CDH13: variants seen among roughly 807,000 people sequenced by gnomAD.
CDH13 encodes the protein cadherin 13, also known as cadherin-13.
CDH13 carries 24 observed loss-of-function variants against 63.8 expected under a neutral mutation model. The observed-to-expected ratio is 0.38, with a 90% CI of 0.27 to 0.53. The LOEUF is 0.53. CDH13 is among the 20% of genes least tolerant of loss of function. The probability of loss-of-function intolerance (pLI) is 0.85; values close to 1 mark genes in which losing one functional copy is unlikely to be tolerated. For missense variants in CDH13, 1,049 were observed against 903.1 expected (o/e 1.16, Z -2.07); for synonymous variants, 503 against 355.3 (o/e 1.42, Z -4.67).
intron 2 of CDH13, among the ~76,000 whole-genome samples, chr16:82,985,727 C>A (rs113821075): frequency 2.6e-5 from 4 of 152,228 alleles, no homozygotes; most frequent in African/African-American, 9.6e-5. Flanking sequence ...GAATTGCAAT[C>A]CCCAGCATTG....
Position 83,113,616 on chromosome 16 carries a change from C to G in CDH13, c.367-11769C>G, listed in dbSNP as rs112439679. On this transcript the variant is annotated intron_variant, in intron 3 of 13. Transcript: ENST00000567109. The stretch of plus-strand genomic sequence containing the variant: ...ATGAACGTGTGATCAGAAGCTGAGA[C>G]AGGGCTCTAGGGGAAAAAGGCAAAG... Among the ~76,000 whole-genome samples, 54 of 152,214 alleles carry G rather than the reference C, an allele frequency of 3.5e-4. 1 individual carries two copies. The highest frequency in any genetic ancestry group is 1.3e-3 in the African/African-American group (53 of 41,526).
chr16:82,916,520 G>C (rs1294560361), intron 2 of CDH13, among the ~76,000 whole-genome samples: 1 of 152,046 alleles, frequency 6.6e-6, no homozygotes, highest in Non-Finnish European at 1.5e-5. Flanking sequence ...GTTGCAGTGA[G>C]CTGAGATCGC....
intron 6 of CDH13, among the ~76,000 whole-genome samples, chr16:83,481,708 G>A (rs1477188216): frequency 6.6e-6 from 1 of 152,178 alleles, no homozygotes; most frequent in Non-Finnish European, 1.5e-5. Flanking sequence ...AGGAGCTGCT[G>A]CTAGTTCATC....
chr16:83,569,610 A>G (rs1270685233), intron 7 of CDH13, among the ~76,000 whole-genome samples: 1 of 152,258 alleles, frequency 6.6e-6, no homozygotes, highest in Non-Finnish European at 1.5e-5. Flanking sequence ...ATTCCTAATT[A>G]TCTTCTTCCC....
At chr16:83,677,150 C>G (rs1419443909) in intron 9 of CDH13, among the ~76,000 whole-genome samples, 2 of 152,184 alleles carry the variant, frequency 1.3e-5, no homozygotes, top group South Asian at 4.1e-4. Flanking sequence ...CTGACAGAGA[C>G]CCACTCTGGG....
chr16:83,164,653 G>C (rs1010878606), intron 4 of CDH13, among the ~76,000 whole-genome samples: 2 of 150,602 alleles, frequency 1.3e-5, no homozygotes, highest in African/African-American at 4.9e-5. Context: ...TTGGGAGGCG[G>C]AGGTTGCAGT....
Position 83,794,883 on chromosome 16 carries a change from A to G in CDH13, c.2135-140A>G, listed in dbSNP as rs74786055. ...CTGTCTTCCAATGTGATCCTTAAGG[A>G]AAAAAAAAATTCCCCCATAGTCGTG... On this transcript the variant is annotated intron_variant, in intron 13 of 13. Transcript: ENST00000567109. The G allele has an allele frequency of 0.088, 58,023 of 659,134 alleles. 2,703 individuals carry two copies. Among genetic ancestry groups the G allele is most frequent in the East Asian group, 0.2 (6,707 of 32,900 alleles). 40.8% of individuals were successfully genotyped at this position (659,134 alleles called of 1,614,324 possible).
intron 1 of CDH13, among the ~76,000 whole-genome samples, chr16:82,733,159 TC>T (rs1239703626): frequency 6.6e-6 from 1 of 152,210 alleles, no homozygotes; most frequent in Admixed American, 6.5e-5. Context: ...AATGTTTGCA[TC>T]TCAACAATGT....
intron 5 of CDH13, among the ~76,000 whole-genome samples, chr16:83,232,189 C>G (rs1421955534): frequency 1.5e-5 from 2 of 137,442 alleles, no homozygotes; most frequent in African/African-American, 5.5e-5. Flanking sequence ...CCCTTGTACC[C>G]TTGAAATTAA....
At chr16:83,606,262 G>A (rs76133372) in intron 8 of CDH13, among the ~76,000 whole-genome samples, 18,083 of 152,110 alleles carry the variant, frequency 0.12, 1,388 homozygotes, top group Middle Eastern at 0.25. Flanking sequence ...AAGAATACAT[G>A]GTTTTTGGGA....
At chr16:83,015,549 A>G (rs958544857) in intron 2 of CDH13, among the ~76,000 whole-genome samples, 7 of 151,454 alleles carry the variant, frequency 4.6e-5, no homozygotes, top group African/African-American at 1.7e-4. Context: ...GTAAGATTCC[A>G]GCATCTTAGC....
At chr16:83,196,773 T>C (rs777302718) in intron 4 of CDH13, among the ~76,000 whole-genome samples, 1 of 152,180 alleles carries the variant, frequency 6.6e-6, no homozygotes, top group Non-Finnish European at 1.5e-5. Context: ...GTTAATTTAT[T>C]TTTAAAAAGC....
chr16:83,688,771 A>G (rs572554163), intron 10 of CDH13, among the ~76,000 whole-genome samples: 4 of 152,294 alleles, frequency 2.6e-5, no homozygotes, highest in African/African-American at 7.2e-5. Context: ...TTTATTGCCT[A>G]TTCTGCTGTG....
At chr16:83,051,536 A>G (rs2030336767) in intron 3 of CDH13, among the ~76,000 whole-genome samples, 1 of 152,242 alleles carries the variant, frequency 6.6e-6, no homozygotes, top group African/African-American at 2.4e-5. Context: ...GGTGAAAATA[A>G]TGCTACAGAA....
intron 1 of CDH13, among the ~76,000 whole-genome samples, chr16:82,811,725 G>T (rs888147209): frequency 2.0e-5 from 3 of 152,132 alleles, no homozygotes; most frequent in African/African-American, 7.2e-5. Flanking sequence ...GAGATGGAAA[G>T]GTGTATATGG....
chr16:83,799,719 A>G lies in CDH13; in HGVS notation c.*4689A>G, dbSNP rs1353397310. 6.6e-6 allele frequency: 1 copy of G among 152,260 alleles called. No homozygotes were observed. Among genetic ancestry groups the G allele is most frequent in the Non-Finnish European group, 1.5e-5 (1 of 68,046 alleles). The allele number at this position is 152,260 out of a possible 1,614,324, so 9.4% of individuals were successfully genotyped here. On this transcript the variant is annotated 3_prime_UTR_variant, in exon 14 of 14. Coordinates refer to ENST00000567109, the MANE Select transcript of CDH13 (RefSeq NM_001257.5). ...TTGATAATTTTCACAGTCTAATGATAAAATGCTTTCAAAATGGTTCATCTA... is the reference window on the plus strand; with the variant it reads ...TTGATAATTTTCACAGTCTAATGATGAAATGCTTTCAAAATGGTTCATCTA...
chr16:83,674,811 A>G (rs1914818116), intron 9 of CDH13, among the ~76,000 whole-genome samples: 1 of 152,220 alleles, frequency 6.6e-6, no homozygotes, highest in African/African-American at 2.4e-5. Context: ...CGATTCTAAA[A>G]CCACCAGAAA....
At chr16:82,866,241 C>T (rs1473357808) in intron 2 of CDH13, among the ~76,000 whole-genome samples, 1 of 152,068 alleles carries the variant, frequency 6.6e-6, no homozygotes, top group Non-Finnish European at 1.5e-5. Context: ...TCCTCTGAGC[C>T]CTCTAAACTG....
At chr16:83,349,827 C>G (rs1473390672) in intron 6 of CDH13, among the ~76,000 whole-genome samples, 1 of 152,092 alleles carries the variant, frequency 6.6e-6, no homozygotes, top group African/African-American at 2.4e-5. Context: ...TCTTGAACTC[C>G]TGACCTCAGG....
Sources: gnomAD v4.1 joint callset for allele counts (sites outside exome capture counted in the v4.1 genomes callset) on GRCh38, gnomAD v4.1.1 for gene constraint, MANE v1.5 for transcripts, NCBI Gene and HGNC (gene_info 2026-07-23, HGNC 2026-07-21) for gene names.